Variants in SCRN3 observed in about 807,000 individuals in gnomAD.
The protein encoded by SCRN3 is secernin-3.
In SCRN3, 39 loss-of-function variants were observed where a neutral mutation model predicts 43.1. The ratio of observed to expected loss-of-function variants is 0.91; its 90% CI spans 0.70 to 1.18. The LOEUF is 1.18. Ranked by LOEUF, SCRN3 falls within the 50% of genes most tolerant of loss-of-function variation. The pLI is 0.00. For synonymous variants in SCRN3, 147 were observed against 163.1 expected (o/e 0.90, Z 0.75); for missense variants, 484 against 498.0 (o/e 0.97, Z 0.27).
Position 174,398,371 on chromosome 2 carries a change from CT to C in SCRN3, c.89del (p.Leu30ProfsTer14), listed in dbSNP as rs748925882. The C allele has an allele frequency of 6.2e-7, 1 of 1,608,914 alleles. No homozygotes were observed. The highest frequency in any genetic ancestry group is 8.5e-7 in the Non-Finnish European group (1 of 1,178,094). ...RIIFGKNSDR[L>X]YDEVQEVVYF... ...TATTTTTGGAAAAAATTCAGATAGACTCTATGATGAAGTACAAGAGGTGGTT... is the reference window on the plus strand; with the variant it reads ...TATTTTTGGAAAAAATTCAGATAGACCTATGATGAAGTACAAGAGGTGGTT... On this transcript the variant is annotated frameshift_variant, in exon 2 of 8. Coordinates refer to ENST00000272732, the MANE Select transcript of SCRN3 (RefSeq NM_024583.5). LOFTEE classifies it high-confidence loss of function.
chr2:174,425,281 T>C (rs1381734790), intron 7 of SCRN3, among the ~76,000 whole-genome samples: 3 of 152,182 alleles, frequency 2.0e-5, no homozygotes, highest in Non-Finnish European at 4.4e-5. Flanking sequence ...CTGGTATAGA[T>C]AGATAGGTCA....
At chr2:174,415,591 C>G (rs1363295496) in intron 5 of SCRN3, among the ~76,000 whole-genome samples, 3 of 152,066 alleles carry the variant, frequency 2.0e-5, no homozygotes, top group Non-Finnish European at 4.4e-5. Context: ...GGTCATGCTA[C>G]TAATAAAAAT....
At chr2:174,397,717 T>C (rs1685370615) in intron 1 of SCRN3, among the ~76,000 whole-genome samples, 1 of 152,128 alleles carries the variant, frequency 6.6e-6, no homozygotes, top group South Asian at 2.1e-4. Flanking sequence ...AGTAAAGGGA[T>C]TTATATATAC....
At chr2:174,404,468 T>A (rs548306176) in intron 5 of SCRN3, among the ~76,000 whole-genome samples, 153 bp downstream of exon 5, 15 of 151,952 alleles carry the variant, frequency 9.9e-5, no homozygotes, top group East Asian at 3.9e-4. Context: ...ATTTTTTTTT[T>A]ATTATACTTT....
At chr2:174,405,806 C>T (rs1003750834) in intron 5 of SCRN3, among the ~76,000 whole-genome samples, 2 of 150,780 alleles carry the variant, frequency 1.3e-5, no homozygotes, top group African/African-American at 4.8e-5. Context: ...TGTTCTGTTC[C>T]ATTGATCTAT....
chr2:174,425,184 C>T (rs934925900), intron 7 of SCRN3, among the ~76,000 whole-genome samples: 1 of 152,092 alleles, frequency 6.6e-6, no homozygotes, highest in Non-Finnish European at 1.5e-5. Flanking sequence ...AAAAGTGATA[C>T]ATCCTCATTA....
At position 174,400,983 on chromosome 2, in the gene SCRN3, G is replaced by T; in HGVS notation, c.342-7G>T. The T allele has an allele frequency of 6.3e-7, 1 of 1,590,762 alleles. No homozygotes were observed. Among genetic ancestry groups the T allele is most frequent in the South Asian group, 1.1e-5 (1 of 87,384 alleles). On this transcript the variant is annotated splice_region_variant and splice_polypyrimidine_tract_variant and intron_variant, in intron 3 of 7. Transcript: ENST00000272732. ...TTTAATATGAGAACTTTATATTTTT[G>T]TTTTAGACTTGGCCTTGAAAGAGCT...
intron 5 of SCRN3, 87 bp from the exon 6 acceptor site, chr2:174,422,798 C>T: frequency 1.3e-6 from 1 of 755,016 alleles, no homozygotes; most frequent in Non-Finnish European, 2.1e-6. Flanking sequence ...TAATATCTCA[C>T]ATATTATCAG....
chr2:174,408,419 C>T (rs1470521430), intron 5 of SCRN3, among the ~76,000 whole-genome samples: 1 of 142,128 alleles, frequency 7.0e-6, no homozygotes, highest in East Asian at 2.1e-4. Flanking sequence ...TCCAATTTGC[C>T]AGTCTGTGTC....
At chr2:174,420,685 A>G (rs1238364315) in intron 5 of SCRN3, among the ~76,000 whole-genome samples, 1 of 152,214 alleles carries the variant, frequency 6.6e-6, no homozygotes, top group East Asian at 1.9e-4. Flanking sequence ...TTAAGAATCC[A>G]ATAGATTGAT....
intron 1 of SCRN3, chr2:174,396,394 A>C: frequency 1.1e-6 from 1 of 891,214 alleles, no homozygotes; most frequent in Non-Finnish European, 1.3e-6. Flanking sequence ...TAGGCAGCTC[A>C]GGTTACTATT....
rs189643221 is a variant in SCRN3, at chr2:174,413,653, C to T, written c.755-9232C>T. Among the ~76,000 whole-genome samples the T allele has an allele frequency of 5.4e-3, 732 of 136,352 alleles. 21 individuals carry two copies. In the Admixed American group the frequency reaches 0.055, roughly 10 times the overall value. 89.5% of individuals were successfully genotyped at this position (136,352 alleles called of 152,430 possible). ...TTACCCAAGCTGGAGTGCAGTGGTA[C>T]GATCTTGGCTCACTGCAACCTCCTC... is the stretch of plus-strand genomic sequence containing the variant. On this transcript the variant is annotated intron_variant, in intron 5 of 7. Transcript: ENST00000272732.
At chr2:174,427,186 A>AT (rs988399584) in intron 7 of SCRN3, among the ~76,000 whole-genome samples, 31 of 152,294 alleles carry the variant, frequency 2.0e-4, no homozygotes, top group Non-Finnish European at 7.4e-5. Flanking sequence ...GATCATGGTG[A>AT]TTCATCAACA....
At chr2:174,421,415 A>G (rs1265260828) in intron 5 of SCRN3, among the ~76,000 whole-genome samples, 4 of 152,224 alleles carry the variant, frequency 2.6e-5, no homozygotes, top group African/African-American at 7.2e-5. Flanking sequence ...TTTCTAACCA[A>G]TGGCCACAGC....
chr2:174,427,173 A>G (rs938359760), intron 7 of SCRN3, among the ~76,000 whole-genome samples: 2 of 152,098 alleles, frequency 1.3e-5, no homozygotes, highest in African/African-American at 2.4e-5. Context: ...GTACCTTATA[A>G]CTGATCATGG....
chr2:174,409,294 T>G lies in SCRN3; in HGVS notation c.754+4979T>G, dbSNP rs992326826. Among the ~76,000 whole-genome samples the G allele has an allele frequency of 6.3e-5, 9 of 142,126 alleles. 1 individual carries two copies. The highest frequency in any genetic ancestry group is 2.2e-4 in the African/African-American group (9 of 40,290). 93.2% of individuals were successfully genotyped at this position (142,126 alleles called of 152,430 possible). A position where few individuals can be genotyped will look rare whatever the true frequency, so the allele number is the denominator to read the frequency against. ...CATTCTTCACGTAGTTCTCGAGCCT[T>G]GGTTTTCAGCTCCATCAGCTCCTTT... is the stretch of plus-strand genomic sequence containing the variant. On this transcript the variant is annotated intron_variant, in intron 5 of 7. Transcript: ENST00000272732.
At chr2:174,413,171 CGATAGTGCTCTTTTAGGACAGCAAAA>C (rs1685988246) in intron 5 of SCRN3, among the ~76,000 whole-genome samples, 1 of 151,970 alleles carries the variant, frequency 6.6e-6, no homozygotes, top group Non-Finnish European at 1.5e-5. Context: ...CACACCCGGC[CGATAGTGCTCTTTTAGGACAGCAAAA>C]GAGCACTGCA....
chr2:174,395,959 G>T, intron 1 of SCRN3, 142 bp downstream of exon 1: 1 of 1,394,372 alleles, frequency 7.2e-7, no homozygotes, highest in African/African-American at 1.5e-5. Context: ...GCCGGGGTGC[G>T]GGGTGGACCG....
intron 5 of SCRN3, among the ~76,000 whole-genome samples, chr2:174,413,459 C>T (rs1418592561): frequency 6.6e-6 from 1 of 152,126 alleles, no homozygotes; most frequent in Non-Finnish European, 1.5e-5. Context: ...GCAGTCTGCC[C>T]CACACATGCT....
Sources: allele counts gnomAD v4.1 joint callset (sites outside exome capture counted in the v4.1 genomes callset), GRCh38; gene constraint gnomAD v4.1.1; transcripts MANE v1.5; gene names NCBI Gene and HGNC (gene_info 2026-07-23, HGNC 2026-07-21).